BACH1: variants seen among roughly 807,000 people sequenced by gnomAD.
The protein encoded by BACH1 is BTB domain and CNC homolog 1, also known as transcription regulator protein BACH1.
A neutral mutation model predicts 52.9 loss-of-function variants in BACH1; 35 were observed. The ratio of observed to expected loss-of-function variants is 0.66; its 90% confidence interval spans 0.51 to 0.88. The LOEUF is 0.88. Ranked by LOEUF, BACH1 falls within the 40% of genes least tolerant of loss-of-function variation. BACH1 has a pLI of 0.00. For synonymous variants in BACH1, 321 were observed against 319.6 expected, an observed-to-expected ratio of 1.00 and a Z score of -0.05; for missense variants, 808 against 872.6, an observed-to-expected ratio of 0.93 and a Z score of 0.93.
intron 2 of BACH1, among the ~76,000 whole-genome samples, chr21:29,357,637 T>C (rs2089242944): frequency 6.6e-6 from 1 of 152,190 alleles, no homozygotes. Flanking sequence ...ACAACTACCC[T>C]TAAAGAGTGA....
intron 1 of BACH1, among the ~76,000 whole-genome samples, chr21:29,307,188 C>T (rs932284553): frequency 1.3e-5 from 2 of 152,198 alleles, no homozygotes; most frequent in South Asian, 4.1e-4. Context: ...GGAGTACAAA[C>T]AGGAACATCT....
chr21:29,328,251 A>G (rs576531341), intron 3 of BACH1, among the ~76,000 whole-genome samples: 28 of 152,180 alleles, frequency 1.8e-4, no homozygotes, highest in African/African-American at 6.3e-4. Context: ...CATGAGTTAC[A>G]TGTAGCTGGT....
intron 4 of BACH1, among the ~76,000 whole-genome samples, chr21:29,335,348 A>G (rs920740303): frequency 6.6e-6 from 1 of 152,172 alleles, no homozygotes; most frequent in Admixed American, 6.5e-5. Flanking sequence ...TTCAGGGCTC[A>G]ATATGTATTA....
intron 1 of BACH1, chr21:29,300,720 T>G (rs2088594091): frequency 6.6e-6 from 1 of 152,230 alleles, no homozygotes; most frequent in Admixed American, 6.5e-5. Flanking sequence ...AGCAGTGAGC[T>G]TAATTTGTGC....
At chr21:29,320,853 C>T (rs2088839716) in intron 1 of BACH1, among the ~76,000 whole-genome samples, 1 of 152,122 alleles carries the variant, frequency 6.6e-6, no homozygotes, top group Non-Finnish European at 1.5e-5. Flanking sequence ...GTCTCTCCTG[C>T]CTTCTCTCTC....
chr21:29,344,503 C>A lies in BACH1; in HGVS notation c.*1670C>A, dbSNP rs574967596. 1 of 152,652 alleles carries A rather than the reference C, an allele frequency of 6.6e-6. No homozygotes were observed. The highest frequency in any genetic ancestry group is 1.5e-5 in the Non-Finnish European group (1 of 68,012). 9.5% of individuals were successfully genotyped at this position (152,652 alleles called of 1,614,324 possible). A position where few individuals can be genotyped will look rare whatever the true frequency, so the allele number is the denominator to read the frequency against. ...GTATATTTTCAGTGGTTTGTATGTTCTCTCTGTCACTGACTTATTTGTAAG... is the reference window on the plus strand; with the variant it reads ...GTATATTTTCAGTGGTTTGTATGTTATCTCTGTCACTGACTTATTTGTAAG... On this transcript the variant is annotated 3_prime_UTR_variant, in exon 5 of 5. Transcript: ENST00000286800.
chr21:29,342,876 G>A lies in BACH1; in HGVS notation c.*43G>A. 6.6e-7 allele frequency: 1 copy of A among 1,523,854 alleles called. No homozygotes were observed. The allele number at this position is 1,523,854 out of a possible 1,614,324, so 94.4% of individuals were successfully genotyped here. A position where few individuals can be genotyped will look rare whatever the true frequency, so the allele number is the denominator to read the frequency against. Reference sequence around the variant, plus strand: ...TCAAACCATCTAATTTTCTCCTGAAGTTTTGGCAGCGTCTTGAAAGCCTAA... The same window carrying A: ...TCAAACCATCTAATTTTCTCCTGAAATTTTGGCAGCGTCTTGAAAGCCTAA... On this transcript the variant is annotated 3_prime_UTR_variant, in exon 5 of 5. Transcript: ENST00000286800.
downstream of BACH1, among the ~76,000 whole-genome samples, chr21:29,350,438 C>T (rs1601374954): frequency 1.3e-5 from 2 of 152,148 alleles, no homozygotes; most frequent in South Asian, 4.1e-4. Context: ...AGTAGCTTAG[C>T]GTGAGAGCCT....
At chr21:29,341,224 A>G (rs563092729) in intron 4 of BACH1, among the ~76,000 whole-genome samples, 5 of 152,222 alleles carry the variant, frequency 3.3e-5, no homozygotes, top group Admixed American at 6.5e-5. Flanking sequence ...GTCATAAAAG[A>G]CTAAAGGATG....
intron 1 of BACH1, among the ~76,000 whole-genome samples, chr21:29,320,680 T>C (rs936320911): frequency 3.3e-5 from 5 of 152,220 alleles, no homozygotes; most frequent in Admixed American, 1.3e-4. Flanking sequence ...AACTTTACCT[T>C]TTGTAGAACA....
At chr21:29,334,739 TA>T (rs1426207665) in intron 4 of BACH1, among the ~76,000 whole-genome samples, 7 of 152,246 alleles carry the variant, frequency 4.6e-5, no homozygotes, top group Non-Finnish European at 7.3e-5. Context: ...GACACCATTT[TA>T]TTTCATTACT....
chr21:29,303,055 T>TC (rs2088620439), intron 1 of BACH1, among the ~76,000 whole-genome samples: 1 of 152,224 alleles, frequency 6.6e-6, no homozygotes, highest in Non-Finnish European at 1.5e-5. Context: ...TGTCCACCCC[T>TC]CCCTTCTTGT....
At chr21:29,320,893 G>T (rs1055767813) in intron 1 of BACH1, among the ~76,000 whole-genome samples, 1 of 152,066 alleles carries the variant, frequency 6.6e-6, no homozygotes, top group African/African-American at 2.4e-5. Flanking sequence ...CAATAGGATT[G>T]GGATGCCACC....
chr21:29,342,483 T>A lies in BACH1; in HGVS notation c.1861T>A (p.Cys621Ser). The A allele has an allele frequency of 6.2e-7, 1 of 1,614,226 alleles. No homozygotes were observed. Among genetic ancestry groups the A allele is most frequent in the Non-Finnish European group, 8.5e-7 (1 of 1,180,040 alleles). ...GACAAAGCAGAACCTAACTGGACTT[T>A]GCCAGAAAGTTTGTAAAGAAGCAGC... Reference protein sequence around the residue: ...GETKQNLTGLCQKVCKEAALS... With the variant: ...GETKQNLTGLSQKVCKEAALS... The change falls in exon 5 of 5, where the codon TGC (cysteine) becomes AGC (serine). Residue 621 changes from cysteine (C) to serine (S), a missense_variant. By Grantham distance (112) the Cys-to-Ser change is moderately radical. Transcript: ENST00000286800.
intron 4 of BACH1, among the ~76,000 whole-genome samples, chr21:29,339,171 A>G (rs2089080806): frequency 6.6e-6 from 1 of 152,190 alleles, no homozygotes; most frequent in African/African-American, 2.4e-5. Flanking sequence ...GTAAATACAT[A>G]CATAATTTTA....
intron 2 of BACH1, among the ~76,000 whole-genome samples, chr21:29,355,814 C>CTTGGTAT (rs2089231112): frequency 1.3e-5 from 2 of 152,210 alleles, no homozygotes; most frequent in South Asian, 4.1e-4. Context: ...TTGCCCAACT[C>CTTGGTAT]CAGAGGTTGG....
intron 2 of BACH1, among the ~76,000 whole-genome samples, chr21:29,356,746 G>C (rs2089237022): frequency 6.6e-6 from 1 of 152,284 alleles, no homozygotes; most frequent in Non-Finnish European, 1.5e-5. Context: ...TGATATTGGA[G>C]TGTTACAGGG....
In BACH1 at chr21:29,306,327, GAA is replaced by G. The variant is rs200676003; in HGVS notation, c.-61+7377_-61+7378del. Reference sequence around the variant, plus strand: ...GCTGCCACAAGTTCAAGTGTCACAAGAAAATATGACTTAAGTTTCCTGGAAGA... The same window carrying G: ...GCTGCCACAAGTTCAAGTGTCACAAGAATATGACTTAAGTTTCCTGGAAGA... On this transcript the variant is annotated intron_variant, in intron 1 of 4. Coordinates refer to ENST00000286800, the MANE Select transcript of BACH1 (RefSeq NM_001186.4). Among the ~76,000 whole-genome samples, 288 of 151,594 alleles carry G rather than the reference GAA, an allele frequency of 1.9e-3. 2 individuals are homozygous for G. The East Asian group carries it at 0.048, about 25-fold the overall frequency.
intron 1 of BACH1, 88 bp from the exon 2 acceptor site, chr21:29,321,133 T>C (rs778789040): frequency 3.3e-5 from 22 of 666,518 alleles, no homozygotes; most frequent in Non-Finnish European, 5.5e-5. Context: ...CATTTTTGTT[T>C]TAATGAGTAT....
Sources: gnomAD v4.1 joint callset for allele counts (sites outside exome capture counted in the v4.1 genomes callset) on GRCh38, gnomAD v4.1.1 for gene constraint, MANE v1.5 for transcripts, NCBI Gene and HGNC (gene_info 2026-07-23, HGNC 2026-07-21) for gene names.